UNC5C: variants seen among roughly 807,000 people sequenced by gnomAD.
The protein encoded by UNC5C is netrin receptor UNC5C.
Under a neutral mutation model 99.8 loss-of-function variants are expected in UNC5C, and 47 were observed. That is an observed-to-expected ratio of 0.47 (90% CI 0.37 to 0.60). The LOEUF (loss-of-function observed/expected upper bound fraction) is 0.60, where lower values mean the gene tolerates loss of function less well. UNC5C is among the 20% of genes least tolerant of loss of function. The pLI, the probability that UNC5C is intolerant of heterozygous loss-of-function variation, is 0.00. For synonymous variants in UNC5C, 487 were observed against 452.2 expected (o/e 1.08, Z -0.98); for missense variants, 1,062 against 1,165.9 (o/e 0.91, Z 1.30).
At chr4:95,476,468 C>T (rs1748151119) in intron 1 of UNC5C, among the ~76,000 whole-genome samples, 1 of 151,990 alleles carries the variant, frequency 6.6e-6, no homozygotes, top group African/African-American at 2.4e-5. Flanking sequence ...TGAAATATTG[C>T]ACAAATTACA....
intron 13 of UNC5C, among the ~76,000 whole-genome samples, chr4:95,184,446 C>A (rs1736750573): frequency 6.6e-6 from 1 of 152,142 alleles, no homozygotes; most frequent in African/African-American, 2.4e-5. Flanking sequence ...GGCTTGCAAT[C>A]CCGCCAAAGT....
chr4:95,250,302 T>C (rs1739649240), intron 5 of UNC5C, among the ~76,000 whole-genome samples, 185 bp downstream of exon 5: 1 of 152,058 alleles, frequency 6.6e-6, no homozygotes, highest in Non-Finnish European at 1.5e-5. Flanking sequence ...GGAGTATCCC[T>C]TGAGCCTAGG....
intron 2 of UNC5C, among the ~76,000 whole-genome samples, chr4:95,329,927 G>A (rs1487137549): frequency 6.6e-6 from 1 of 152,098 alleles, no homozygotes; most frequent in Admixed American, 6.6e-5. Flanking sequence ...TGGTGGCGAT[G>A]ATGATGATGA....
intron 1 of UNC5C, among the ~76,000 whole-genome samples, chr4:95,412,631 C>A (rs1056496661): frequency 6.6e-6 from 1 of 152,120 alleles, no homozygotes; most frequent in Non-Finnish European, 1.5e-5. Context: ...TTGTCTCCCC[C>A]ACAAAAAAAT....
chr4:95,303,294 G>C (rs1258511484), intron 2 of UNC5C, among the ~76,000 whole-genome samples: 1 of 152,158 alleles, frequency 6.6e-6, no homozygotes, highest in Admixed American at 6.5e-5. Flanking sequence ...TCTGGAGGTG[G>C]GGTCCAGCAA....
intron 1 of UNC5C, among the ~76,000 whole-genome samples, chr4:95,476,326 T>C (rs1262496738): frequency 6.6e-6 from 1 of 152,050 alleles, no homozygotes; most frequent in Non-Finnish European, 1.5e-5. Context: ...CCTCCAGTCT[T>C]TGTAAAGTCT....
intron 7 of UNC5C, among the ~76,000 whole-genome samples, chr4:95,227,335 T>G (rs902579569): frequency 1.3e-4 from 20 of 151,714 alleles, no homozygotes; most frequent in African/African-American, 4.8e-4. Flanking sequence ...ATTTTTTTTG[T>G]AGAGATGGGG....
At chr4:95,326,619 C>T (rs1742893337) in intron 2 of UNC5C, among the ~76,000 whole-genome samples, 1 of 152,054 alleles carries the variant, frequency 6.6e-6, no homozygotes. Flanking sequence ...TCTTATATTG[C>T]ATACATGTAA....
chr4:95,431,551 AT>A (rs1159025983), intron 1 of UNC5C, among the ~76,000 whole-genome samples: 1 of 152,034 alleles, frequency 6.6e-6, no homozygotes, highest in African/African-American at 2.4e-5. Context: ...CTAAAAAAAA[AT>A]GTTTTAAAAG....
At chr4:95,363,633 A>C (rs1050857605) in intron 1 of UNC5C, among the ~76,000 whole-genome samples, 41 of 152,226 alleles carry the variant, frequency 2.7e-4, no homozygotes, top group Non-Finnish European at 2.9e-5. Flanking sequence ...GTTCTTTGAT[A>C]TAATGCCCCT....
At chr4:95,183,640 T>TTTAA (rs139195382) in intron 13 of UNC5C, among the ~76,000 whole-genome samples, 6,268 of 152,242 alleles carry the variant, frequency 0.041, 433 homozygotes, top group African/African-American at 0.14. Flanking sequence ...TCGAACAGGC[T>TTTAA]TTAATTTTCT....
intron 1 of UNC5C, among the ~76,000 whole-genome samples, chr4:95,464,074 A>G (rs1254637725): frequency 6.6e-6 from 1 of 152,222 alleles, no homozygotes; most frequent in Non-Finnish European, 1.5e-5. Context: ...AAGGAACAAT[A>G]TTATTCACAA....
chr4:95,180,531 T>G (rs1265983640), intron 14 of UNC5C, among the ~76,000 whole-genome samples: 1 of 152,240 alleles, frequency 6.6e-6, no homozygotes, highest in Non-Finnish European at 1.5e-5. Flanking sequence ...TTCATCTCTG[T>G]GAAATTAATT....
chr4:95,504,440 A>G (rs1385324597), intron 1 of UNC5C, among the ~76,000 whole-genome samples: 1 of 152,170 alleles, frequency 6.6e-6, no homozygotes, highest in Non-Finnish European at 1.5e-5. Flanking sequence ...AGATACATGT[A>G]AAGAACATAT....
intron 1 of UNC5C, among the ~76,000 whole-genome samples, chr4:95,336,082 T>C (rs1743325644): frequency 6.6e-6 from 1 of 151,906 alleles, no homozygotes; most frequent in Non-Finnish European, 1.5e-5. Flanking sequence ...AGCAGAAATA[T>C]TAGAAACTTT....
chr4:95,420,447 A>C (rs566487989), intron 1 of UNC5C, among the ~76,000 whole-genome samples: 4 of 152,184 alleles, frequency 2.6e-5, no homozygotes, highest in African/African-American at 9.6e-5. Flanking sequence ...TAGCCCTTAC[A>C]CTCTTTTATT....
At chr4:95,270,822 G>A (rs1740631224) in intron 4 of UNC5C, among the ~76,000 whole-genome samples, 1 of 152,172 alleles carries the variant, frequency 6.6e-6, no homozygotes. Context: ...CTTTTACAGG[G>A]CAAAAGGGCA....
At chr4:95,319,351 T>C (rs1398854197) in intron 2 of UNC5C, among the ~76,000 whole-genome samples, 1 of 152,160 alleles carries the variant, frequency 6.6e-6, no homozygotes, top group African/African-American at 2.4e-5. Flanking sequence ...TTGCGGCTCT[T>C]GCCTTCATGT....
chr4:95,245,289 G>C, intron 5 of UNC5C, 145 bp from the exon 6 acceptor site: 1 of 890,680 alleles, frequency 1.1e-6, no homozygotes, highest in Non-Finnish European at 1.6e-6. Context: ...AGCCAGAAGA[G>C]ACCATGGACC....
Sources: gnomAD v4.1 joint callset for allele counts (sites outside exome capture counted in the v4.1 genomes callset) on GRCh38, gnomAD v4.1.1 for gene constraint, MANE v1.5 for transcripts, NCBI Gene and HGNC (gene_info 2026-07-23, HGNC 2026-07-21) for gene names.